The following OR51E2 variants were observed in gnomAD, a reference collection of about 807,000 sequenced individuals.
OR51E2 encodes the protein olfactory receptor family 51 subfamily E member 2.
OR51E2 carries 14 observed loss-of-function variants against 13.7 expected under a neutral mutation model. That is an observed-to-expected ratio of 1.02 (90% CI 0.68 to 1.60). The LOEUF (loss-of-function observed/expected upper bound fraction) is 1.60, where lower values mean the gene tolerates loss of function less well. Ranked by LOEUF, OR51E2 falls within the 40% of genes most tolerant of loss-of-function variation. The probability of loss-of-function intolerance (pLI) is 0.00; values close to 1 mark genes in which losing one functional copy is unlikely to be tolerated. For missense variants in OR51E2, 483 were observed against 413.8 expected, an observed-to-expected ratio of 1.17 and a Z score of -1.45; for synonymous variants, 180 against 157.6, an observed-to-expected ratio of 1.14 and a Z score of -1.07.
chr11:4,689,221 G>A (rs76377792), intron 1 of OR51E2, among the ~76,000 whole-genome samples: 11,296 of 152,224 alleles, frequency 0.074, 535 homozygotes, highest in Non-Finnish European at 0.11. Context: ...TGTCAAACAG[G>A]CTGAGGATTT....
Position 4,681,388 on chromosome 11 carries a change from T to TA in OR51E2, c.*360dup, listed in dbSNP as rs796771002. ...AGTTGTATGTGACAGCTAACCATAA[T>TA]AAAAAAAAAAGAAAGAAAAAAGAGA... On this transcript the variant is annotated 3_prime_UTR_variant, in exon 2 of 2. Transcript: ENST00000396950. 3.6e-3 allele frequency: 690 copies of TA among 192,458 alleles called. No homozygotes were observed. The highest frequency in any genetic ancestry group is 7.7e-3 in the South Asian group (79 of 10,288). The allele number at this position is 192,458 out of a possible 1,614,324, so 11.9% of individuals were successfully genotyped here. A position where few individuals can be genotyped will look rare whatever the true frequency, so the allele number is the denominator to read the frequency against.
rs559740586 is a variant in OR51E2 at position 4,687,721 on chromosome 11, T to C, written c.-50-4960A>G. 2.6e-5 allele frequency among the ~76,000 whole-genome samples: 4 copies of C among 151,844 alleles called. No homozygotes were observed. The East Asian group carries it at 5.8e-4, about 22-fold the overall frequency. ...CCCCGAGAAGTGAGCTCAGAGTTTGTTGTGGGGAGAATGGTGACAAGAGAG... is the reference window on the plus strand; with the variant it reads ...CCCCGAGAAGTGAGCTCAGAGTTTGCTGTGGGGAGAATGGTGACAAGAGAG... On this transcript the variant is annotated intron_variant, in intron 1 of 1. Transcript: ENST00000396950.
intron 1 of OR51E2, among the ~76,000 whole-genome samples, chr11:4,687,138 C>T (rs1198290715): frequency 6.6e-6 from 1 of 152,170 alleles, no homozygotes; most frequent in Non-Finnish European, 1.5e-5. Flanking sequence ...CCTGTATCAT[C>T]TGAGCTTTTC....
rs764982808 is a variant in OR51E2, at chr11:4,682,780, C to T, written c.-50-19G>A. 2.8e-5 allele frequency: 43 copies of T among 1,527,662 alleles called. No homozygotes were observed. Among genetic ancestry groups the T allele is most frequent in the South Asian group, 2.5e-4 (20 of 78,820 alleles). 94.6% of individuals were successfully genotyped at this position (1,527,662 alleles called of 1,614,324 possible). On this transcript the variant is annotated intron_variant, in intron 1 of 1. Coordinates refer to ENST00000396950, the MANE Select transcript of OR51E2 (RefSeq NM_030774.4). ...TGGCAGTCTGCAGGGACATAGAGCA[C>T]AATCAGAGAATGCCCTGGAAACTTG... is the stretch of plus-strand genomic sequence containing the variant.
chr11:4,685,538 AT>A (rs1166900376), intron 1 of OR51E2, among the ~76,000 whole-genome samples: 1 of 152,222 alleles, frequency 6.6e-6, no homozygotes, highest in East Asian at 1.9e-4. Flanking sequence ...AATTCTCCAT[AT>A]CTTTCCCTAA....
chr11:4,683,645 A>T (rs1847483103), intron 1 of OR51E2, among the ~76,000 whole-genome samples: 1 of 152,200 alleles, frequency 6.6e-6, no homozygotes, highest in Non-Finnish European at 1.5e-5. Flanking sequence ...ACTTTGGAGA[A>T]GTATTATTAA....
intron 1 of OR51E2, among the ~76,000 whole-genome samples, chr11:4,683,094 A>C (rs184241903): frequency 2.0e-5 from 3 of 152,138 alleles, no homozygotes; most frequent in Admixed American, 2.0e-4. Context: ...AGCTCCTTCC[A>C]GATAAGGCTG....
At chr11:4,690,570 C>T (rs183187311) in intron 1 of OR51E2, 9 of 253,904 alleles carry the variant, frequency 3.5e-5, no homozygotes, top group African/African-American at 2.1e-4. Context: ...ATGTCTTCAC[C>T]TCCTCATCTG....
chr11:4,689,603 A>T (rs897138654), intron 1 of OR51E2, among the ~76,000 whole-genome samples: 5 of 152,188 alleles, frequency 3.3e-5, no homozygotes, highest in African/African-American at 4.8e-5. Flanking sequence ...TGCTTTAAAA[A>T]TTTTGAGAAT....
chr11:4,697,455 A>T (rs1589876970), intron 1 of OR51E2, among the ~76,000 whole-genome samples, 198 bp downstream of exon 1: 1 of 152,348 alleles, frequency 6.6e-6, no homozygotes, highest in East Asian at 1.9e-4. Flanking sequence ...TATCTAACCT[A>T]TATCAGGCAG....
At chr11:4,686,701 C>G (rs1470361556) in intron 1 of OR51E2, among the ~76,000 whole-genome samples, 1 of 152,152 alleles carries the variant, frequency 6.6e-6, no homozygotes, top group Non-Finnish European at 1.5e-5. Flanking sequence ...CTCTTATTTC[C>G]ATCTTCACCA....
In OR51E2 at chr11:4,682,773, T is replaced by C. The variant is rs1000979056; in HGVS notation, c.-50-12A>G. 7.7e-6 allele frequency: 12 copies of C among 1,551,492 alleles called. No individual in the cohort carries two copies. Among genetic ancestry groups the C allele is most frequent in the Non-Finnish European group, 1.0e-5 (12 of 1,145,480 alleles). Reference sequence around the variant, plus strand: ...GTCACACTGGCAGTCTGCAGGGACATAGAGCACAATCAGAGAATGCCCTGG... The same window carrying C: ...GTCACACTGGCAGTCTGCAGGGACACAGAGCACAATCAGAGAATGCCCTGG... On this transcript the variant is annotated splice_polypyrimidine_tract_variant and intron_variant, in intron 1 of 1. Transcript: ENST00000396950.
At chr11:4,694,916 A>G (rs7105419) in intron 1 of OR51E2, among the ~76,000 whole-genome samples, 147,161 of 152,220 alleles carry the variant, frequency 0.97, 71,348 homozygotes, top group East Asian at 1. Flanking sequence ...TTGATGGGTA[A>G]ATGTGAGTTT....
intron 1 of OR51E2, among the ~76,000 whole-genome samples, chr11:4,688,685 G>A (rs1379652958): frequency 1.3e-5 from 2 of 152,138 alleles, no homozygotes; most frequent in Admixed American, 6.5e-5. Context: ...CCACCAGAAA[G>A]CTGTTATAAT....
Position 4,691,723 on chromosome 11 carries a change from C to T in OR51E2, c.-51+5930G>A, listed in dbSNP as rs188744135. 226 of 350,720 alleles carry T rather than the reference C, an allele frequency of 6.4e-4. 2 individuals are homozygous for T. The highest frequency in any genetic ancestry group is 2.7e-3 in the Admixed American group (65 of 24,480). The allele number at this position is 350,720 out of a possible 1,614,324, so 21.7% of individuals were successfully genotyped here. On this transcript the variant is annotated intron_variant, in intron 1 of 1. Transcript: ENST00000396950. The stretch of plus-strand genomic sequence containing the variant: ...GACGTGATGAATTAAAAGTACAGAA[C>T]GAGATGAGAGCTTAAACAAAAAAAA...
Position 4,681,596 on chromosome 11 carries a change from A to C in OR51E2, c.*153T>G. 1.3e-6 allele frequency: 1 copy of C among 744,626 alleles called. No individual in the cohort carries two copies. The highest frequency in any genetic ancestry group is 1.8e-5 in the South Asian group (1 of 54,558). 46.1% of individuals were successfully genotyped at this position (744,626 alleles called of 1,614,324 possible). On this transcript the variant is annotated 3_prime_UTR_variant, in exon 2 of 2. Transcript: ENST00000396950. ...TTCATTAGTATGTATTATTCCACAT[A>C]ATAGTCCTTTAGGTAGATGTACCAT... is the stretch of plus-strand genomic sequence containing the variant.
At chr11:4,686,295 C>G (rs1452082174) in intron 1 of OR51E2, among the ~76,000 whole-genome samples, 1 of 152,132 alleles carries the variant, frequency 6.6e-6, no homozygotes, top group Non-Finnish European at 1.5e-5. Context: ...GGTATTTCAG[C>G]AGGCAGAAAA....
rs1186534405 is a variant in OR51E2 at position 4,681,613 on chromosome 11, ATGTACCATACTTTAGT to A, written c.*120_*135del. 8.0e-6 allele frequency: 7 copies of A among 876,340 alleles called. No homozygotes were observed. Among genetic ancestry groups the A allele is most frequent in the Non-Finnish European group, 1.1e-5 (6 of 561,410 alleles). The allele number at this position is 876,340 out of a possible 1,614,324, so 54.3% of individuals were successfully genotyped here. ...TTCCACATAATAGTCCTTTAGGTAG[ATGTACCATACTTTAGT>A]TTACTATTCCAGCCAGAGAAAAGTA... On this transcript the variant is annotated 3_prime_UTR_variant, in exon 2 of 2. Transcript: ENST00000396950.
At position 4,681,587 on chromosome 11, in the gene OR51E2, AT is replaced by A; in HGVS notation, c.*161del. ...ATGTAATACTTCATTAGTATGTATT[AT>A]TCCACATAATAGTCCTTTAGGTAGA... is the stretch of plus-strand genomic sequence containing the variant. On this transcript the variant is annotated 3_prime_UTR_variant, in exon 2 of 2. Transcript: ENST00000396950. The A allele has an allele frequency of 2.9e-6, 2 of 686,438 alleles. No individual in the cohort carries two copies. Among genetic ancestry groups the A allele is most frequent in the Non-Finnish European group, 4.9e-6 (2 of 409,296 alleles). 42.5% of individuals were successfully genotyped at this position (686,438 alleles called of 1,614,324 possible). A position where few individuals can be genotyped will look rare whatever the true frequency, so the allele number is the denominator to read the frequency against.
Sources: allele counts gnomAD v4.1 joint callset (sites outside exome capture counted in the v4.1 genomes callset), GRCh38; gene constraint gnomAD v4.1.1; transcripts MANE v1.5; gene names NCBI Gene and HGNC (gene_info 2026-07-23, HGNC 2026-07-21).